The following PPP2R1B variants were observed in gnomAD, a reference collection of about 807,000 sequenced individuals.
PPP2R1B encodes the protein protein phosphatase 2 scaffold subunit Abeta.
Under a neutral mutation model 72.7 loss-of-function variants are expected in PPP2R1B, and 58 were observed. The observed-to-expected ratio is 0.80, with a 90% confidence interval of 0.65 to 0.99. The LOEUF is 0.99. Ranked by LOEUF, PPP2R1B falls within the 50% of genes least tolerant of loss-of-function variation. The probability of loss-of-function intolerance (pLI) is 0.00; values close to 1 mark genes in which losing one functional copy is unlikely to be tolerated. For synonymous variants in PPP2R1B, 256 were observed against 264.6 expected, an observed-to-expected ratio of 0.97 and a Z score of 0.32; for missense variants, 695 against 733.6, an observed-to-expected ratio of 0.95 and a Z score of 0.61.
At chr11:111,701,661 A>G in the PPP2R1B span, 2 of 1,505,866 alleles carry the variant, frequency 1.3e-6, no homozygotes, top group Non-Finnish European at 1.8e-6. The surrounding 1 kb of genome is among the most constrained non-coding windows in gnomAD (Gnocchi z 4.2). Context: ...TTTTTTTCTA[A>G]GAGTTTGGGT....
the PPP2R1B span, chr11:111,701,516 C>T: frequency 6.2e-7 from 1 of 1,613,792 alleles, no homozygotes; most frequent in Non-Finnish European, 8.5e-7. The surrounding 1 kb of genome is among the most constrained non-coding windows in gnomAD (Gnocchi z 4.2). Flanking sequence ...CCGACTCTTC[C>T]AATTTTGAGG....
rs1294297759 is a variant in PPP2R1B at position 111,754,489 on chromosome 11, T to C, written c.1029+10A>G. The C allele has an allele frequency of 2.5e-6, 4 of 1,590,892 alleles. No individual in the cohort carries two copies. The highest frequency in any genetic ancestry group is 3.4e-6 in the Non-Finnish European group (4 of 1,174,312). ...TAAAAGAGAGTGAAACAAAATAAAG[T>C]CAGGTTTACCTTTATATAAGGCAGA... On this transcript the variant is annotated intron_variant, in intron 8 of 14. Coordinates refer to ENST00000527614, the MANE Select transcript of PPP2R1B (RefSeq NM_002716.5).
Position 111,766,319 on chromosome 11 carries a change from C to G in PPP2R1B, c.43G>C (p.Gly15Arg). 1 of 1,599,878 alleles carries G rather than the reference C, an allele frequency of 6.3e-7. No homozygotes were observed. Among genetic ancestry groups the G allele is most frequent in the South Asian group, 1.1e-5 (1 of 90,820 alleles). ...TATAGCGAATCATCTCCATCTCCAC[C>G]CGCTGCTCCTGGGCCGGTCCCGAGC... is the stretch of plus-strand genomic sequence containing the variant. ...SELGTGPGAAGGDGDDSLYPI... is the reference protein window; with the variant it reads ...SELGTGPGAARGDGDDSLYPI... The change falls in exon 1 of 15, where the codon GGT becomes CGT. Residue 15 changes from glycine to arginine, a missense_variant. Physicochemically the swap from Gly to Arg is moderately radical, Grantham distance 125. Coordinates refer to ENST00000527614, the MANE Select transcript of PPP2R1B (RefSeq NM_002716.5).
the PPP2R1B span, chr11:111,701,339 C>A: frequency 7.4e-7 from 1 of 1,349,604 alleles, no homozygotes; most frequent in South Asian, 1.8e-5. The surrounding 1 kb of genome is among the most constrained non-coding windows in gnomAD (Gnocchi z 4.2). Flanking sequence ...AATAATAAAT[C>A]CAGACAGGAA....
rs1944475586 is a variant in PPP2R1B, at chr11:111,740,293, G to C, written c.*1303C>G. The C allele has an allele frequency of 5.5e-6, 5 of 917,068 alleles. No homozygotes were observed. Among genetic ancestry groups the C allele is most frequent in the Non-Finnish European group, 6.5e-6 (5 of 767,960 alleles). The allele number at this position is 917,068 out of a possible 1,614,324, so 56.8% of individuals were successfully genotyped here. ...AGTGCAGTGGCGCGATCTCGGCTCA[G>C]TGCAACCTCTACCTCCCAGGTTCAA... is the stretch of plus-strand genomic sequence containing the variant. On this transcript the variant is annotated 3_prime_UTR_variant, in exon 15 of 15. Coordinates refer to ENST00000527614, the MANE Select transcript of PPP2R1B (RefSeq NM_002716.5).
Position 111,764,825 on chromosome 11 carries a change from C to G in PPP2R1B, c.286G>C (p.Asp96His). 1.9e-6 allele frequency: 3 copies of G among 1,614,108 alleles called. No homozygotes were observed. Among genetic ancestry groups the G allele is most frequent in the Non-Finnish European group, 2.5e-6 (3 of 1,180,022 alleles). ...GNFTGLVGGP[D>H]FAHCLLPPLE... ...CTCACCAGCAGACAGTGGGCAAAGT[C>G]AGGACCTCCCACTAGGCCAGTGAAA... is the stretch of plus-strand genomic sequence containing the variant. Residue 96 changes from aspartate to histidine, a missense_variant, in exon 3 of 15, where the codon GAC (aspartate) becomes CAC (histidine). Coordinates refer to ENST00000527614, the MANE Select transcript of PPP2R1B (RefSeq NM_002716.5).
At chr11:111,764,768 G>A in intron 3 of PPP2R1B, 37 bp downstream of exon 3, 1 of 1,598,910 alleles carries the variant, frequency 6.3e-7, no homozygotes, top group South Asian at 1.1e-5. Flanking sequence ...TACTGCAAAA[G>A]TTGTAGAAGG....
the PPP2R1B span, chr11:111,720,639 A>G: frequency 6.2e-7 from 1 of 1,614,074 alleles, no homozygotes; most frequent in South Asian, 1.1e-5. Flanking sequence ...ATCTCCCTTC[A>G]TAAGCCTGAG....
Position 111,739,661 on chromosome 11 carries a change from A to G in PPP2R1B, c.*1935T>C. On this transcript the variant is annotated 3_prime_UTR_variant, in exon 15 of 15. Transcript: ENST00000527614. ...CCAAAACAATGGCATTTCCAACCAG[A>G]GTAAAGCAATGGTTCCAGTGCAAAT... 1 of 985,482 alleles carries G rather than the reference A, an allele frequency of 1.0e-6. No homozygotes were observed. The highest frequency in any genetic ancestry group is 4.7e-5 in the South Asian group (1 of 21,290). 61.0% of individuals were successfully genotyped at this position (985,482 alleles called of 1,614,324 possible).
chr11:111,725,697 C>G (rs1943943096), downstream of PPP2R1B: 1 of 152,636 alleles, frequency 6.6e-6, no homozygotes, highest in East Asian at 1.9e-4. Flanking sequence ...GTTGCCTTTC[C>G]TCTTTGTAGT....
At chr11:111,715,947 G>A in the PPP2R1B span, among the ~76,000 whole-genome samples, 7 of 151,730 alleles carry the variant, frequency 4.6e-5, no homozygotes, top group South Asian at 2.1e-4. Flanking sequence ...GAGTACAGGC[G>A]CCTGCCACCA....
At chr11:111,721,132 A>AT in the PPP2R1B span, 1 of 1,506,354 alleles carries the variant, frequency 6.6e-7, no homozygotes, top group Admixed American at 2.2e-5. Context: ...GAAGATGGTC[A>AT]TTTTCACTTA....
the PPP2R1B span, among the ~76,000 whole-genome samples, chr11:111,719,494 G>C: frequency 6.6e-6 from 1 of 151,062 alleles, no homozygotes; most frequent in Non-Finnish European, 1.5e-5. Context: ...TGTTCTTCTG[G>C]AAACCACTAA....
At position 111,742,075 on chromosome 11, in the gene PPP2R1B, G is replaced by C; in HGVS notation, c.1767C>G (p.Tyr589Ter). 6.2e-7 allele frequency: 1 copy of C among 1,613,666 alleles called. No homozygotes were observed. Among genetic ancestry groups the C allele is most frequent in the African/African-American group, 1.3e-5 (1 of 75,046 alleles). The change falls in exon 14 of 15, where the codon TAC becomes TAG. Residue 589 changes from tyrosine to a stop codon, truncating the protein, a stop_gained. Coordinates refer to ENST00000527614, the MANE Select transcript of PPP2R1B (RefSeq NM_002716.5). LOFTEE classifies it high-confidence loss of function. ...TACCACTTATAGCTTCCTGTGCAAA[G>C]TATTTGACATCCATGTCTTCATCTT... ...LGQDEDMDVKYFAQEAISVLA... is the reference protein window; with the variant it reads ...LGQDEDMDVK
At chr11:111,688,778 T>C in the PPP2R1B span, among the ~76,000 whole-genome samples, 3 of 152,218 alleles carry the variant, frequency 2.0e-5, no homozygotes, top group Non-Finnish European at 4.4e-5. The surrounding 1 kb of genome is among the most constrained non-coding windows in gnomAD (Gnocchi z 4.2). Flanking sequence ...TCAATAAATA[T>C]GTATCAGGTA....
chr11:111,752,424 G>C, intron 9 of PPP2R1B, 92 bp from the exon 10 acceptor site: 2 of 1,275,292 alleles, frequency 1.6e-6, no homozygotes, highest in Non-Finnish European at 2.1e-6. Context: ...GGTGAGGTAA[G>C]ACTCAGGTGA....
rs1473228862 is a variant in PPP2R1B at position 111,738,980 on chromosome 11, A to C, written c.*2616T>G. 1.0e-6 allele frequency: 1 copy of C among 985,214 alleles called. No homozygotes were observed. Among genetic ancestry groups the C allele is most frequent in the Non-Finnish European group, 1.2e-6 (1 of 830,072 alleles). 61.0% of individuals were successfully genotyped at this position (985,214 alleles called of 1,614,324 possible). A position where few individuals can be genotyped will look rare whatever the true frequency, so the allele number is the denominator to read the frequency against. On this transcript the variant is annotated 3_prime_UTR_variant, in exon 15 of 15. Coordinates refer to ENST00000527614, the MANE Select transcript of PPP2R1B (RefSeq NM_002716.5). Reference sequence around the variant, plus strand: ...CTGATGTAAGCTGCCAAGGATGAAAAACAACATTACATGTCTGAAGCAATC... The same window carrying C: ...CTGATGTAAGCTGCCAAGGATGAAACACAACATTACATGTCTGAAGCAATC...
In PPP2R1B at chr11:111,740,791, C is replaced by T. The variant is rs1591676043; in HGVS notation, c.*805G>A. 9 of 985,346 alleles carry T rather than the reference C, an allele frequency of 9.1e-6. No homozygotes were observed. Among genetic ancestry groups the T allele is most frequent in the Middle Eastern group, 5.2e-4 (1 of 1,914 alleles). 61.0% of individuals were successfully genotyped at this position (985,346 alleles called of 1,614,324 possible). On this transcript the variant is annotated 3_prime_UTR_variant, in exon 15 of 15. Transcript: ENST00000527614. Reference sequence around the variant, plus strand: ...TATCCCTGTGGTTCTTAGACTCATTCGAAATACAGAACTGCAATCTCACAA... The same window carrying T: ...TATCCCTGTGGTTCTTAGACTCATTTGAAATACAGAACTGCAATCTCACAA...
At chr11:111,753,101 A>C (rs564204704) in intron 9 of PPP2R1B, among the ~76,000 whole-genome samples, 26 of 152,372 alleles carry the variant, frequency 1.7e-4, no homozygotes, top group African/African-American at 6.3e-4. Context: ...TACTCAGTAA[A>C]TATTAGGTAT....
Sources: allele counts gnomAD v4.1 joint callset (sites outside exome capture counted in the v4.1 genomes callset), GRCh38; gene constraint gnomAD v4.1.1; non-coding constraint Gnocchi (gnomAD v3.1); transcripts MANE v1.5; gene names NCBI Gene and HGNC (gene_info 2026-07-23, HGNC 2026-07-21).